The following NINL variants were observed in gnomAD, a reference collection of about 807,000 sequenced individuals.
NINL encodes ninein-like protein.
Under a neutral mutation model 160.3 loss-of-function variants are expected in NINL, and 153 were observed. The ratio of observed to expected loss-of-function variants is 0.95; its 90% CI spans 0.84 to 1.09. The LOEUF is 1.09. NINL is among the 50% of genes least tolerant of loss of function. The pLI is 0.00. For missense variants in NINL, 1,829 were observed against 1,764.0 expected (o/e 1.04, Z -0.66); for synonymous variants, 800 against 734.8 (o/e 1.09, Z -1.43).
At chr20:25,497,684 G>A (rs773652344) in intron 9 of NINL, among the ~76,000 whole-genome samples, 7 of 152,216 alleles carry the variant, frequency 4.6e-5, no homozygotes, top group Non-Finnish European at 7.3e-5. Context: ...GGCATTTTGT[G>A]ACCACGTTTG....
At position 25,560,025 on chromosome 20, in the gene NINL, T is replaced by C. The variant is rs192675736; in HGVS notation, c.-12+25430A>G. ...ATGACTCACCTCAGCCTTAACCTCCTGGGTTCAAGCGATCTTCCTCAAGCG... is the reference window on the plus strand; with the variant it reads ...ATGACTCACCTCAGCCTTAACCTCCCGGGTTCAAGCGATCTTCCTCAAGCG... On this transcript the variant is annotated intron_variant, in intron 1 of 23. Coordinates refer to ENST00000278886, the MANE Select transcript of NINL (RefSeq NM_025176.6). 1.2e-3 allele frequency among the ~76,000 whole-genome samples: 177 copies of C among 152,286 alleles called. 1 individual carries two copies. The highest frequency in any genetic ancestry group is 4.1e-3 in the African/African-American group (169 of 41,568).
At chr20:25,551,038 G>A (rs1004594861) in intron 1 of NINL, among the ~76,000 whole-genome samples, 6 of 152,186 alleles carry the variant, frequency 3.9e-5, no homozygotes, top group Admixed American at 6.5e-5. Context: ...GCGGCCTTCC[G>A]CAGTGCATTG....
chr20:25,468,268 A>G (rs370610108), intron 18 of NINL, among the ~76,000 whole-genome samples: 11 of 144,786 alleles, frequency 7.6e-5, no homozygotes, highest in East Asian at 4.2e-4. Flanking sequence ...ACTCTCACTG[A>G]CAGGCACCCC....
intron 10 of NINL, among the ~76,000 whole-genome samples, chr20:25,492,010 A>G (rs141567238): frequency 2.6e-5 from 4 of 152,330 alleles, no homozygotes; most frequent in Non-Finnish European, 4.4e-5. Context: ...ATCTTTTACA[A>G]TAACTGTTTC....
intron 10 of NINL, among the ~76,000 whole-genome samples, chr20:25,493,838 C>T (rs901616251): frequency 3.3e-5 from 5 of 150,148 alleles, no homozygotes; most frequent in African/African-American, 1.3e-4. Flanking sequence ...CCTGGCCCAG[C>T]ACCTCCATGT....
Position 25,501,012 on chromosome 20 carries a change from T to C in NINL, c.862-2A>G. 6.2e-7 allele frequency: 1 copy of C among 1,613,340 alleles called. No individual in the cohort carries two copies. The highest frequency in any genetic ancestry group is 8.5e-7 in the Non-Finnish European group (1 of 1,179,676). ...GTGGCAGCCGCTCTCCTCTGGGACC[T>C]GCATGTCAGGAAGACTTCCATAGCG... On this transcript the variant is annotated splice_acceptor_variant, in intron 7 of 23. Transcript: ENST00000278886. LOFTEE classifies it high-confidence loss of function.
chr20:25,497,567 CACG>C (rs1192008602), intron 9 of NINL, among the ~76,000 whole-genome samples: 1 of 152,228 alleles, frequency 6.6e-6, no homozygotes, highest in Admixed American at 6.5e-5. Context: ...ACAAAAACAC[CACG>C]ACAATCTTTT....
intron 1 of NINL, among the ~76,000 whole-genome samples, chr20:25,551,278 CTTCCATT>C (rs929549972): frequency 5.3e-5 from 8 of 152,084 alleles, no homozygotes; most frequent in Non-Finnish European, 7.4e-5. Context: ...TTTCTTGTGT[CTTCCATT>C]TTCTACATAG....
intron 1 of NINL, among the ~76,000 whole-genome samples, chr20:25,534,316 A>C (rs766118751): frequency 1.3e-5 from 2 of 152,062 alleles, no homozygotes; most frequent in Non-Finnish European, 2.9e-5. Context: ...TTCTTGGTAA[A>C]TTCTTCTTAC....
intron 1 of NINL, among the ~76,000 whole-genome samples, chr20:25,553,946 TG>T (rs1361240803): frequency 6.6e-6 from 1 of 152,232 alleles, no homozygotes; most frequent in Non-Finnish European, 1.5e-5. Context: ...GCTCAGTCCC[TG>T]GACAGCAGCC....
chr20:25,563,948 G>A (rs1297019145), intron 1 of NINL, among the ~76,000 whole-genome samples: 2 of 152,130 alleles, frequency 1.3e-5, no homozygotes, highest in African/African-American at 2.4e-5. Context: ...GCTGGGCGTG[G>A]TGGGTCATGC....
Position 25,561,723 on chromosome 20 carries a change from C to T in NINL, c.-12+23732G>A, listed in dbSNP as rs867288426. Among the ~76,000 whole-genome samples the T allele has an allele frequency of 2.7e-3, 414 of 150,848 alleles. 3 individuals carry two copies. Among genetic ancestry groups the T allele is most frequent in the African/African-American group, 8.8e-3 (360 of 40,998 alleles). On this transcript the variant is annotated intron_variant, in intron 1 of 23. Transcript: ENST00000278886. ...TGTGAGGAGCGCCTCGGCCCGGCCG[C>T]GACCCCGTCTGGGAGGTTAGGAGCG...
intron 6 of NINL, 129 bp from the exon 7 acceptor site, chr20:25,504,233 G>T: frequency 1.0e-6 from 1 of 954,260 alleles, no homozygotes; most frequent in Non-Finnish European, 1.6e-6. Flanking sequence ...GTCTTATCCA[G>T]CCTTAAAACT....
chr20:25,578,378 G>A (rs986247499), intron 1 of NINL, among the ~76,000 whole-genome samples: 16 of 152,096 alleles, frequency 1.1e-4, no homozygotes, highest in South Asian at 4.2e-4. Context: ...AAAGTGCTGC[G>A]ATTACAGGTA....
chr20:25,561,960 C>T (rs2064946477), intron 1 of NINL, among the ~76,000 whole-genome samples: 1 of 148,530 alleles, frequency 6.7e-6, no homozygotes, highest in South Asian at 2.1e-4. Flanking sequence ...GGGGTCAGCC[C>T]CCCACCCGGC....
intron 1 of NINL, among the ~76,000 whole-genome samples, chr20:25,561,017 T>C (rs13038597): frequency 8.0e-6 from 1 of 124,492 alleles, no homozygotes; most frequent in African/African-American, 3.0e-5. Context: ...CTTTCCACGG[T>C]CTCCCTCTCC....
intron 1 of NINL, among the ~76,000 whole-genome samples, chr20:25,540,247 C>T (rs1001626608): frequency 2.0e-5 from 3 of 152,154 alleles, no homozygotes; most frequent in Admixed American, 2.0e-4. Context: ...CTCAATAATC[C>T]TAATGCTATA....
chr20:25,576,490 T>C lies in NINL; in HGVS notation c.-12+8965A>G, dbSNP rs577257448. On this transcript the variant is annotated intron_variant, in intron 1 of 23. Transcript: ENST00000278886. ...ATTTTACTTTTTTGAGACAAGATCTTGCTCTGTTACCCAGGCTGGAGTGCG... is the reference window on the plus strand; with the variant it reads ...ATTTTACTTTTTTGAGACAAGATCTCGCTCTGTTACCCAGGCTGGAGTGCG... Among the ~76,000 whole-genome samples, 41 of 152,326 alleles carry C rather than the reference T, an allele frequency of 2.7e-4. 1 individual carries two copies. In the East Asian group the frequency reaches 7.1e-3, roughly 27 times the overall value.
chr20:25,575,433 C>T (rs1231141496), intron 1 of NINL, among the ~76,000 whole-genome samples: 2 of 112,788 alleles, frequency 1.8e-5, no homozygotes, highest in African/African-American at 7.1e-5. Flanking sequence ...GGCAACAGAG[C>T]GAGACTCCGT....
Sources: gnomAD v4.1 joint callset for allele counts (sites outside exome capture counted in the v4.1 genomes callset) on GRCh38, gnomAD v4.1.1 for gene constraint, MANE v1.5 for transcripts, NCBI Gene and HGNC (gene_info 2026-07-23, HGNC 2026-07-21) for gene names.